CNTN1: variants seen among roughly 807,000 people sequenced by gnomAD.
CNTN1 encodes the protein contactin 1.
A neutral mutation model predicts 126.4 loss-of-function variants in CNTN1; 38 were observed. The observed-to-expected ratio is 0.30, with a 90% confidence interval of 0.23 to 0.39. CNTN1 has a LOEUF of 0.39. Among genes scored for constraint, CNTN1 ranks in the 10% least tolerant of loss-of-function variants. CNTN1 has a pLI of 1.00. For missense variants in CNTN1, 1,009 were observed against 1,248.4 expected, an observed-to-expected ratio of 0.81 and a Z score of 2.89; for synonymous variants, 413 against 422.6, an observed-to-expected ratio of 0.98 and a Z score of 0.28.
At chr12:40,696,157 G>T (rs1468531517) in intron 1 of CNTN1, among the ~76,000 whole-genome samples, 2 of 152,230 alleles carry the variant, frequency 1.3e-5, no homozygotes, top group African/African-American at 4.8e-5. Context: ...ATTAATAATA[G>T]AAGTGCTATT....
chr12:40,702,070 G>A (rs1054426311), intron 1 of CNTN1, among the ~76,000 whole-genome samples: 1 of 151,074 alleles, frequency 6.6e-6, no homozygotes, highest in East Asian at 2.0e-4. Flanking sequence ...CTACATAAAC[G>A]GAATCATGAA....
intron 1 of CNTN1, among the ~76,000 whole-genome samples, chr12:40,804,091 ACT>A (rs1940755155): frequency 6.6e-6 from 1 of 151,860 alleles, no homozygotes; most frequent in Non-Finnish European, 1.5e-5. Context: ...CGGTAATGTG[ACT>A]CTCATTAAAT....
chr12:40,824,981 G>A (rs1941563971), intron 1 of CNTN1, among the ~76,000 whole-genome samples: 1 of 152,058 alleles, frequency 6.6e-6, no homozygotes, highest in Admixed American at 6.6e-5. Context: ...GTATCATAGC[G>A]ACCGTGTGCA....
intron 1 of CNTN1, among the ~76,000 whole-genome samples, chr12:40,697,408 A>T: frequency 6.6e-6 from 1 of 152,106 alleles, no homozygotes; most frequent in African/African-American, 2.4e-5. Flanking sequence ...TTAATTTGTG[A>T]ATTTCATTTG....
intron 10 of CNTN1, 33 bp from the exon 11 acceptor site, chr12:40,937,537 A>T (rs1565989522): frequency 1.5e-6 from 2 of 1,343,928 alleles, no homozygotes; most frequent in East Asian, 2.3e-5. Context: ...ATTAAAGTTC[A>T]TTGAGAATAT....
intron 23 of CNTN1, among the ~76,000 whole-genome samples, chr12:41,047,627 T>C (rs1261094328): frequency 6.6e-6 from 1 of 152,070 alleles, no homozygotes; most frequent in Admixed American, 6.6e-5. Context: ...CTAGGGCCAC[T>C]CTTACTCATT....
intron 1 of CNTN1, among the ~76,000 whole-genome samples, chr12:40,889,905 C>T (rs911202421): frequency 5.3e-5 from 8 of 152,010 alleles, no homozygotes; most frequent in Admixed American, 6.6e-5. Context: ...GTTACCTACA[C>T]GTAATTTTGA....
chr12:40,906,217 G>A (rs1001147024), intron 1 of CNTN1, among the ~76,000 whole-genome samples: 21 of 152,140 alleles, frequency 1.4e-4, no homozygotes, highest in Admixed American at 7.9e-4. Flanking sequence ...CTTGCAGTGA[G>A]CCGAGACTGC....
intron 1 of CNTN1, among the ~76,000 whole-genome samples, chr12:40,890,061 G>A (rs1189491560): frequency 2.6e-5 from 4 of 152,086 alleles, no homozygotes; most frequent in African/African-American, 7.2e-5. Context: ...ACAGATACAT[G>A]AGTGGTATAT....
intron 1 of CNTN1, among the ~76,000 whole-genome samples, chr12:40,776,124 GTTTTAAATT>G (rs1431470983): frequency 2.0e-5 from 3 of 151,388 alleles, no homozygotes; most frequent in African/African-American, 7.3e-5. Flanking sequence ...TTATTCCTTT[GTTTTAAATT>G]TCTATTCTTT....
At chr12:40,952,085 A>G (rs980502819) in intron 14 of CNTN1, among the ~76,000 whole-genome samples, 1 of 149,566 alleles carries the variant, frequency 6.7e-6, no homozygotes, top group African/African-American at 2.5e-5. Context: ...GTAAAATAAC[A>G]ACATATCATA....
intron 1 of CNTN1, among the ~76,000 whole-genome samples, chr12:40,804,503 AT>A (rs1370526843): frequency 6.6e-6 from 1 of 152,034 alleles, no homozygotes; most frequent in Non-Finnish European, 1.5e-5. Flanking sequence ...ACAAGAGCAG[AT>A]GGTTGCCTGA....
chr12:40,966,859 G>T (rs932865246), intron 15 of CNTN1, among the ~76,000 whole-genome samples: 1 of 152,024 alleles, frequency 6.6e-6, no homozygotes, highest in Non-Finnish European at 1.5e-5. Context: ...TATGTTATGC[G>T]CTAATATAAA....
intron 15 of CNTN1, among the ~76,000 whole-genome samples, chr12:40,967,743 A>G (rs1486850866): frequency 1.3e-5 from 2 of 152,162 alleles, no homozygotes; most frequent in Non-Finnish European, 2.9e-5. Flanking sequence ...GTCTCGAAGA[A>G]TATGAATAAA....
intron 1 of CNTN1, among the ~76,000 whole-genome samples, chr12:40,819,049 G>A (rs940944336): frequency 5.9e-5 from 9 of 152,148 alleles, no homozygotes; most frequent in Non-Finnish European, 1.3e-4. Flanking sequence ...AAAGATGGGT[G>A]CCTGCTCCTT....
In CNTN1 at chr12:40,937,599, T is replaced by A. The variant is rs768371907; in HGVS notation, c.1140T>A (p.Asp380Glu). The part of the protein sequence containing the change: ...AYHKGELRLY[D>E]VTFENAGMYQ... Reference sequence around the variant, plus strand: ...ATAAAGGGGAATTAAGACTGTATGATGTGACTTTTGAAAATGCCGGAATGT... The same window carrying A: ...ATAAAGGGGAATTAAGACTGTATGAAGTGACTTTTGAAAATGCCGGAATGT... The change falls in exon 11 of 24, where the codon GAT (aspartate) becomes GAA (glutamate). Residue 380 changes from aspartate to glutamate, a missense_variant. Asp to Glu is a conservative substitution (Grantham distance 45). Transcript: ENST00000551295. 3.7e-6 allele frequency: 6 copies of A among 1,610,756 alleles called. No homozygotes were observed. In the African/African-American group the frequency reaches 8.0e-5, roughly 22 times the overall value.
intron 1 of CNTN1, among the ~76,000 whole-genome samples, chr12:40,845,719 A>G (rs751672561): frequency 4.6e-5 from 7 of 152,120 alleles, no homozygotes; most frequent in Non-Finnish European, 8.8e-5. Context: ...AGATTCAGGG[A>G]GCATCCCACT....
At chr12:40,724,009 A>G (rs1461448750) in intron 1 of CNTN1, among the ~76,000 whole-genome samples, 1 of 152,206 alleles carries the variant, frequency 6.6e-6, no homozygotes, top group Non-Finnish European at 1.5e-5. Flanking sequence ...CTGCCTTGGT[A>G]TAAAGACTGG....
intron 1 of CNTN1, among the ~76,000 whole-genome samples, chr12:40,834,593 A>G (rs1011332628): frequency 1.3e-5 from 2 of 152,188 alleles, no homozygotes; most frequent in Admixed American, 6.5e-5. Flanking sequence ...AGACGAATCT[A>G]TTGAAGAACT....
Sources: gnomAD v4.1 joint callset for allele counts (sites outside exome capture counted in the v4.1 genomes callset) on GRCh38, gnomAD v4.1.1 for gene constraint, MANE v1.5 for transcripts, NCBI Gene and HGNC (gene_info 2026-07-23, HGNC 2026-07-21) for gene names.